SLC39A3: variants seen among roughly 807,000 people sequenced by gnomAD.
SLC39A3 encodes the protein solute carrier family 39 member 3, also known as zinc transporter ZIP3.
In SLC39A3, 3 loss-of-function variants were observed where a neutral mutation model predicts 5.1. That is an observed-to-expected ratio of 0.59 (90% confidence interval 0.27 to 1.54). SLC39A3 has a LOEUF of 1.54. SLC39A3 is among the 40% of genes most tolerant of loss of function. SLC39A3 has a pLI of 0.12. For synonymous variants in SLC39A3, 250 were observed against 218.8 expected, an observed-to-expected ratio of 1.14 and a Z score of -1.26; for missense variants, 412 against 436.4, an observed-to-expected ratio of 0.94 and a Z score of 0.50.
intron 2 of SLC39A3, chr19:2,736,086 G>T: frequency 2.0e-6 from 2 of 985,544 alleles, no homozygotes; most frequent in Non-Finnish European, 2.4e-6. Flanking sequence ...GCCAGGGCTG[G>T]TCACACTGTG....
intron 1 of SLC39A3, among the ~76,000 whole-genome samples, chr19:2,737,932 C>T (rs931307170): frequency 6.6e-6 from 1 of 151,950 alleles, no homozygotes; most frequent in Non-Finnish European, 1.5e-5. Flanking sequence ...GGTGTAGTGG[C>T]TCACACCTGC....
In SLC39A3 at chr19:2,732,995, A is replaced by C; in HGVS notation, c.701T>G (p.Val234Gly). Residue 234 changes from valine to glycine, a missense_variant, in exon 3 of 3, where the codon GTC (valine) becomes GGC (glycine). Physicochemically the swap from Val to Gly is moderately radical, Grantham distance 109. Coordinates refer to ENST00000269740, the MANE Select transcript of SLC39A3 (RefSeq NM_144564.5). Reference protein sequence around the residue: ...MPLRDAAKLAVTVSAMIPLGI... With the variant: ...MPLRDAAKLAGTVSAMIPLGI... ...CAGGGGGATCATGGCGCTTACGGTG[A>C]CCGCCAGCTTGGCCGCGTCCCGCAG... 7.5e-6 allele frequency: 12 copies of C among 1,597,302 alleles called. No individual in the cohort carries two copies. The highest frequency in any genetic ancestry group is 9.4e-6 in the Non-Finnish European group (11 of 1,170,494).
rs974098580 is a variant in SLC39A3 at position 2,734,163 on chromosome 19, G to A, written c.211-678C>T. On this transcript the variant is annotated intron_variant, in intron 2 of 2. Coordinates refer to ENST00000269740, the MANE Select transcript of SLC39A3 (RefSeq NM_144564.5). The surrounding 1 kb of genome is among the most constrained non-coding windows in gnomAD (Gnocchi z 4.6). ...TGGGAGGGACAGCTGCTCACGGGGC[G>A]GACACGCAGGCATTAGGCTATGCGC... Among the ~76,000 whole-genome samples, 4 of 152,220 alleles carry A rather than the reference G, an allele frequency of 2.6e-5. No individual in the cohort carries two copies. The highest frequency in any genetic ancestry group is 2.0e-4 in the Admixed American group (3 of 15,286).
In SLC39A3 at chr19:2,735,664, C is replaced by T. The variant is rs548084977; in HGVS notation, c.210+1384G>A. 2.9e-3 allele frequency: 618 copies of T among 216,564 alleles called. 4 individuals are homozygous for T. The highest frequency in any genetic ancestry group is 0.013 in the African/African-American group (573 of 42,694). 13.4% of individuals were successfully genotyped at this position (216,564 alleles called of 1,614,324 possible). A position where few individuals can be genotyped will look rare whatever the true frequency, so the allele number is the denominator to read the frequency against. ...GAACTCAGCGCTAACCGATCTGGGG[C>T]GGTCATCACAGCTGCAACATCCCCT... On this transcript the variant is annotated intron_variant, in intron 2 of 2. Coordinates refer to ENST00000269740, the MANE Select transcript of SLC39A3 (RefSeq NM_144564.5). This position sits in a 1 kb window ranked among gnomAD's most constrained non-coding sequence, Gnocchi z 5.7.
chr19:2,733,480 C>T lies in SLC39A3; in HGVS notation c.216G>A (p.Gln72=), dbSNP rs1914262477. Residue 72 remains glutamine, a synonymous_variant, in exon 3 of 3, where the codon CAG becomes CAA. Coordinates refer to ENST00000269740, the MANE Select transcript of SLC39A3 (RefSeq NM_144564.5). This position sits in a 1 kb window ranked among gnomAD's most constrained non-coding sequence, Gnocchi z 6.1. ...ALLPAVREKL[Q]KVLSLGHIST... ...TGATGTGGCCGAGGCTCAGGACCTT[C>T]TGGAGCTGCAGCCGGGGACACCCGA... The T allele has an allele frequency of 6.2e-7, 1 of 1,607,512 alleles. No homozygotes were observed. The highest frequency in any genetic ancestry group is 1.1e-5 in the South Asian group (1 of 90,918).
In SLC39A3 at chr19:2,735,200, C is replaced by G; in HGVS notation, c.211-1715G>C. ...GTGGCCTCTGCGATGCAGGAGATGT[C>G]AGAGATGACCAAGATCTCCATCCTC... On this transcript the variant is annotated intron_variant, in intron 2 of 2. Coordinates refer to ENST00000269740, the MANE Select transcript of SLC39A3 (RefSeq NM_144564.5). The surrounding 1 kb of genome is among the most constrained non-coding windows in gnomAD (Gnocchi z 5.7). 1 of 985,470 alleles carries G rather than the reference C, an allele frequency of 1.0e-6. No individual in the cohort carries two copies. Among genetic ancestry groups the G allele is most frequent in the Non-Finnish European group, 1.2e-6 (1 of 829,972 alleles). The allele number at this position is 985,470 out of a possible 1,614,324, so 61.0% of individuals were successfully genotyped here. A position where few individuals can be genotyped will look rare whatever the true frequency, so the allele number is the denominator to read the frequency against.
At chr19:2,736,959 A>G (rs764453382) in intron 2 of SLC39A3, 89 bp downstream of exon 2, 5 of 1,583,332 alleles carry the variant, frequency 3.2e-6, no homozygotes, top group Non-Finnish European at 4.3e-6. Flanking sequence ...CAAGGCCTTC[A>G]CTGAACTTGG....
intron 1 of SLC39A3, among the ~76,000 whole-genome samples, chr19:2,738,628 G>C (rs116787626): frequency 6.6e-6 from 1 of 151,104 alleles, no homozygotes; most frequent in Admixed American, 6.6e-5. Context: ...GGCCTCCCTC[G>C]GTTGGGAGTG....
At chr19:2,738,196 T>C (rs1599486792) in intron 1 of SLC39A3, among the ~76,000 whole-genome samples, 1 of 98,174 alleles carries the variant, frequency 1.0e-5, no homozygotes, top group Admixed American at 1.2e-4. Flanking sequence ...CAAAACTCCA[T>C]CTCAAAAAAA....
chr19:2,735,843 C>A lies in SLC39A3; in HGVS notation c.210+1205G>T, dbSNP rs1914349285. The A allele has an allele frequency of 1.0e-5, 10 of 985,546 alleles. No homozygotes were observed. Among genetic ancestry groups the A allele is most frequent in the Non-Finnish European group, 1.2e-5 (10 of 830,046 alleles). 61.1% of individuals were successfully genotyped at this position (985,546 alleles called of 1,614,324 possible). The stretch of plus-strand genomic sequence containing the variant: ...CTCTACTCTGCCACACTAACAGGCT[C>A]AGATGATTTAATCCCAGACAACAGC... On this transcript the variant is annotated intron_variant, in intron 2 of 2. Coordinates refer to ENST00000269740, the MANE Select transcript of SLC39A3 (RefSeq NM_144564.5). The surrounding 1 kb of genome is among the most constrained non-coding windows in gnomAD (Gnocchi z 5.7).
chr19:2,734,873 C>T lies in SLC39A3; in HGVS notation c.211-1388G>A, dbSNP rs1914310849. The T allele has an allele frequency of 1.0e-5, 10 of 985,358 alleles. No homozygotes were observed. In the South Asian group the frequency reaches 3.3e-4, roughly 32 times the overall value. 61.0% of individuals were successfully genotyped at this position (985,358 alleles called of 1,614,324 possible). A position where few individuals can be genotyped will look rare whatever the true frequency, so the allele number is the denominator to read the frequency against. On this transcript the variant is annotated intron_variant, in intron 2 of 2. Transcript: ENST00000269740. The surrounding 1 kb of genome is among the most constrained non-coding windows in gnomAD (Gnocchi z 4.6). ...AGCTCATGAGGAACTCTAGCTACTCCCAAGAGACAGACGTTGATCAGGAGA... is the reference window on the plus strand; with the variant it reads ...AGCTCATGAGGAACTCTAGCTACTCTCAAGAGACAGACGTTGATCAGGAGA...
chr19:2,736,945 G>A (rs1317509169), intron 2 of SLC39A3, 103 bp downstream of exon 2: 3 of 1,567,816 alleles, frequency 1.9e-6, no homozygotes, highest in Non-Finnish European at 2.6e-6. Flanking sequence ...CACCCTTACA[G>A]CATCAAGGCC....
At chr19:2,737,543 T>TC in intron 1 of SLC39A3, 164 bp from the exon 2 acceptor site, 1 of 415,344 alleles carries the variant, frequency 2.4e-6, no homozygotes, top group Non-Finnish European at 4.3e-6. Context: ...GTAGCTGGGA[T>TC]TACAGACACG....
chr19:2,735,265 G>A lies in SLC39A3; in HGVS notation c.211-1780C>T, dbSNP rs146294590. ...AGTCTTCACACACCGCGTAACGAAC[G>A]AATGCAGACTCAGCCACGCGGAACA... On this transcript the variant is annotated intron_variant, in intron 2 of 2. Coordinates refer to ENST00000269740, the MANE Select transcript of SLC39A3 (RefSeq NM_144564.5). This position sits in a 1 kb window ranked among gnomAD's most constrained non-coding sequence, Gnocchi z 5.7. 1.4e-4 allele frequency: 138 copies of A among 967,366 alleles called. No individual in the cohort carries two copies. The African/African-American group carries it at 2.1e-3, about 15-fold the overall frequency. The allele number at this position is 967,366 out of a possible 1,614,324, so 59.9% of individuals were successfully genotyped here.
In SLC39A3 at chr19:2,736,813, C is replaced by T. The variant is rs1018786796; in HGVS notation, c.210+235G>A. ...GTCTGGTCTGATTATCAGGTGACAACCGACAAGTCCACCTGTTGGGAATCC... is the reference window on the plus strand; with the variant it reads ...GTCTGGTCTGATTATCAGGTGACAATCGACAAGTCCACCTGTTGGGAATCC... On this transcript the variant is annotated intron_variant, in intron 2 of 2. Transcript: ENST00000269740. 2.7e-6 allele frequency: 4 copies of T among 1,458,312 alleles called. No individual in the cohort carries two copies. In the African/African-American group the frequency reaches 5.7e-5, roughly 21 times the overall value. The allele number at this position is 1,458,312 out of a possible 1,614,324, so 90.3% of individuals were successfully genotyped here. A position where few individuals can be genotyped will look rare whatever the true frequency, so the allele number is the denominator to read the frequency against.
At chr19:2,737,694 A>ACTGCACCTGGCCAGTTCTT (rs1914418008) in intron 1 of SLC39A3, 1 of 177,724 alleles carries the variant, frequency 5.6e-6, no homozygotes, top group South Asian at 1.1e-4. Flanking sequence ...GGCGTGAGCC[A>ACTGCACCTGGCCAGTTCTT]CTGCACCTGG....
intron 1 of SLC39A3, 152 bp from the exon 2 acceptor site, chr19:2,737,531 T>A: frequency 2.2e-6 from 1 of 450,038 alleles, no homozygotes; most frequent in East Asian, 4.5e-5. Flanking sequence ...TTCTCCTGCC[T>A]AGTAGCTGGG....
Position 2,734,976 on chromosome 19 carries a change from GA to G in SLC39A3, c.211-1492del. 1 of 985,536 alleles carries G rather than the reference GA, an allele frequency of 1.0e-6. No homozygotes were observed. Among genetic ancestry groups the G allele is most frequent in the South Asian group, 4.7e-5 (1 of 21,292 alleles). 61.0% of individuals were successfully genotyped at this position (985,536 alleles called of 1,614,324 possible). A position where few individuals can be genotyped will look rare whatever the true frequency, so the allele number is the denominator to read the frequency against. Reference sequence around the variant, plus strand: ...CTGAGAGCCTGGCCCTGCAGTGGGTGAGGCTGGGGGCTCGGGAGTAGGGACC... The same window carrying G: ...CTGAGAGCCTGGCCCTGCAGTGGGTGGGCTGGGGGCTCGGGAGTAGGGACC... On this transcript the variant is annotated intron_variant, in intron 2 of 2. Coordinates refer to ENST00000269740, the MANE Select transcript of SLC39A3 (RefSeq NM_144564.5). This position sits in a 1 kb window ranked among gnomAD's most constrained non-coding sequence, Gnocchi z 4.6.
At chr19:2,736,302 G>C (rs749591022) in intron 2 of SLC39A3, 8 of 534,986 alleles carry the variant, frequency 1.5e-5, no homozygotes, top group Non-Finnish European at 1.9e-5. Context: ...CAGGACACTG[G>C]GGCAGAGGGG....
Sources: gnomAD v4.1 joint callset for allele counts (sites outside exome capture counted in the v4.1 genomes callset) on GRCh38, gnomAD v4.1.1 for gene constraint, Gnocchi (gnomAD v3.1) non-coding constraint, MANE v1.5 for transcripts, NCBI Gene and HGNC (gene_info 2026-07-23, HGNC 2026-07-21) for gene names.